The following CYP46A1 variants were observed in gnomAD, a reference collection of about 807,000 sequenced individuals.
CYP46A1 encodes cytochrome P450 family 46 subfamily A member 1.
A neutral mutation model predicts 63.3 loss-of-function variants in CYP46A1; 20 were observed. The ratio of observed to expected loss-of-function variants is 0.32; its 90% CI spans 0.22 to 0.46. CYP46A1 has a LOEUF of 0.46. CYP46A1 is among the 20% of genes least tolerant of loss of function. CYP46A1 has a pLI of 1.00. For synonymous variants in CYP46A1, 268 were observed against 273.6 expected, an observed-to-expected ratio of 0.98 and a Z score of 0.20; for missense variants, 445 against 670.8, an observed-to-expected ratio of 0.66 and a Z score of 3.72.
At chr14:99,685,932 C>T (rs11626635) in intron 1 of CYP46A1, among the ~76,000 whole-genome samples, 9,696 of 152,174 alleles carry the variant, frequency 0.064, 363 homozygotes, top group East Asian at 0.1. Context: ...TCCTCCTGCT[C>T]CCCCAAAAAT....
intron 9 of CYP46A1, 125 bp from the exon 10 acceptor site, chr14:99,717,929 A>T: frequency 2.8e-6 from 2 of 704,828 alleles, no homozygotes; most frequent in Non-Finnish European, 4.8e-6. Flanking sequence ...AGGGGCTTTT[A>T]GAGCCAGATG....
intron 3 of CYP46A1, among the ~76,000 whole-genome samples, chr14:99,697,851 C>T (rs778086746): frequency 7.9e-5 from 12 of 152,040 alleles, no homozygotes; most frequent in Admixed American, 3.9e-4. Context: ...CTGGTCAGAC[C>T]CTGACTGAGG....
At chr14:99,706,604 T>C (rs746629626) in intron 5 of CYP46A1, 43 bp from the exon 6 acceptor site, 3 of 1,608,750 alleles carry the variant, frequency 1.9e-6, no homozygotes, top group African/African-American at 1.3e-5. Flanking sequence ...GTCCACCATA[T>C]TGGGCTGGCC....
intron 6 of CYP46A1, 131 bp from the exon 7 acceptor site, chr14:99,707,437 C>T: frequency 1.5e-6 from 1 of 660,740 alleles, no homozygotes. Context: ...TCATTGTAAG[C>T]AGCTGATGAT....
intron 9 of CYP46A1, 62 bp downstream of exon 9, chr14:99,716,261 TCC>T: frequency 6.4e-7 from 1 of 1,566,798 alleles, no homozygotes; most frequent in Non-Finnish European, 8.8e-7. Context: ...GGACCATGGA[TCC>T]CTCAAACCCA....
intron 7 of CYP46A1, chr14:99,707,897 T>C (rs1046079885): frequency 1.7e-5 from 9 of 536,064 alleles, no homozygotes; most frequent in Non-Finnish European, 3.0e-5. Flanking sequence ...CTTTCTCTCA[T>C]GTGAAATGAT....
At chr14:99,696,028 C>T (rs749604680) in intron 3 of CYP46A1, among the ~76,000 whole-genome samples, 1 of 152,146 alleles carries the variant, frequency 6.6e-6, no homozygotes, top group East Asian at 1.9e-4. Context: ...AAATGGGTTT[C>T]TTATAGATAG....
chr14:99,718,757 C>A (rs1321306069), intron 10 of CYP46A1, among the ~76,000 whole-genome samples: 1 of 152,032 alleles, frequency 6.6e-6, no homozygotes, highest in Non-Finnish European at 1.5e-5. Context: ...CCTTCAATTA[C>A]AATTATTAGT....
Position 99,706,684 on chromosome 14 carries a change from G to A in CYP46A1, c.481G>A (p.Ala161Thr). 5.0e-6 allele frequency: 8 copies of A among 1,613,964 alleles called. No individual in the cohort carries two copies. The highest frequency in any genetic ancestry group is 6.8e-6 in the Non-Finnish European group (8 of 1,180,026). Residue 161 changes from alanine (A) to threonine (T), a missense_variant, in exon 6 of 15, where the codon GCT becomes ACT. Coordinates refer to ENST00000261835, the MANE Select transcript of CYP46A1 (RefSeq NM_006668.2). ...CTTAATGGAAACATTCAACGAGAAGGCTGAGCAGCTGGTGGAGATTCTAGA... is the reference window on the plus strand; with the variant it reads ...CTTAATGGAAACATTCAACGAGAAGACTGAGCAGCTGGTGGAGATTCTAGA... ...VSLMETFNEK[A>T]EQLVEILEAK...
intron 1 of CYP46A1, among the ~76,000 whole-genome samples, chr14:99,685,102 C>G (rs1236040238): frequency 1.6e-5 from 2 of 124,294 alleles, no homozygotes; most frequent in South Asian, 3.3e-4. Flanking sequence ...CCCCCCACCC[C>G]CAGCTTAGCT....
At chr14:99,691,204 C>A in intron 2 of CYP46A1, 43 bp downstream of exon 2, 1 of 1,596,460 alleles carries the variant, frequency 6.3e-7, no homozygotes, top group South Asian at 1.1e-5. Flanking sequence ...TCCAGGTTCC[C>A]TTGGGGCAGC....
chr14:99,699,576 A>G, intron 4 of CYP46A1, 37 bp downstream of exon 4: 2 of 1,609,050 alleles, frequency 1.2e-6, no homozygotes, highest in Non-Finnish European at 1.7e-6. Flanking sequence ...GTGGGAGGCC[A>G]GGAGAGCCCT....
At chr14:99,689,859 C>T (rs1261497212) in intron 1 of CYP46A1, among the ~76,000 whole-genome samples, 1 of 152,220 alleles carries the variant, frequency 6.6e-6, no homozygotes, top group East Asian at 1.9e-4. Context: ...CATTCAAACC[C>T]AAGTCAGATC....
chr14:99,694,792 C>G (rs915455967), intron 3 of CYP46A1, among the ~76,000 whole-genome samples: 16 of 152,146 alleles, frequency 1.1e-4, no homozygotes, highest in African/African-American at 3.9e-4. Flanking sequence ...TGAGCCACCA[C>G]CCCCAGCCAA....
At chr14:99,715,251 C>G (rs758166067) in intron 7 of CYP46A1, among the ~76,000 whole-genome samples, 9 of 152,136 alleles carry the variant, frequency 5.9e-5, no homozygotes, top group Admixed American at 4.6e-4. Context: ...ACATGTACCC[C>G]ATATGTGTGT....
intron 12 of CYP46A1, among the ~76,000 whole-genome samples, chr14:99,724,603 C>T (rs915805415): frequency 6.6e-6 from 1 of 152,056 alleles, no homozygotes; most frequent in Non-Finnish European, 1.5e-5. Context: ...ATCAGGCCTT[C>T]GGCTTCCTCT....
chr14:99,722,144 G>A lies in CYP46A1; in HGVS notation c.1176+78G>A. 1 of 1,093,594 alleles carries A rather than the reference G, an allele frequency of 9.1e-7. No individual in the cohort carries two copies. Among genetic ancestry groups the A allele is most frequent in the South Asian group, 1.3e-5 (1 of 74,464 alleles). 67.7% of individuals were successfully genotyped at this position (1,093,594 alleles called of 1,614,324 possible). ...GTGGTGAATTTGGGACTCACCAGGG[G>A]AGCCTGTGGCCCTGTTCCCATCATT... On this transcript the variant is annotated intron_variant, in intron 12 of 14. Coordinates refer to ENST00000261835, the MANE Select transcript of CYP46A1 (RefSeq NM_006668.2). The surrounding 1 kb of genome is among the most constrained non-coding windows in gnomAD (Gnocchi z 4.6).
At chr14:99,723,561 G>T (rs545077862) in intron 12 of CYP46A1, among the ~76,000 whole-genome samples, 5 of 152,152 alleles carry the variant, frequency 3.3e-5, no homozygotes, top group African/African-American at 1.2e-4. Flanking sequence ...CACCTGCCTC[G>T]GCCTCCCAAA....
chr14:99,698,138 T>C (rs1167313155), intron 3 of CYP46A1, among the ~76,000 whole-genome samples: 1 of 152,040 alleles, frequency 6.6e-6, no homozygotes, highest in Admixed American at 6.5e-5. Flanking sequence ...TCAGAGAAGG[T>C]AGCAGCACCT....
Sources: gnomAD v4.1 joint callset for allele counts (sites outside exome capture counted in the v4.1 genomes callset) on GRCh38, gnomAD v4.1.1 for gene constraint, Gnocchi (gnomAD v3.1) non-coding constraint, MANE v1.5 for transcripts, NCBI Gene and HGNC (gene_info 2026-07-23, HGNC 2026-07-21) for gene names.